Variants in LONP1 observed in about 807,000 individuals in gnomAD.
The protein encoded by LONP1 is lon protease homolog, mitochondrial.
In LONP1, 31 loss-of-function variants were observed where a neutral mutation model predicts 98.5. The ratio of observed to expected loss-of-function variants is 0.31; its 90% CI spans 0.24 to 0.42. The LOEUF (loss-of-function observed/expected upper bound fraction) is 0.42, where lower values mean the gene tolerates loss of function less well. Among genes scored for constraint, LONP1 ranks in the 20% least tolerant of loss-of-function variants. The pLI, the probability that LONP1 is intolerant of heterozygous loss-of-function variation, is 1.00. For missense variants in LONP1, 1,336 were observed against 1,350.6 expected, an observed-to-expected ratio of 0.99 and a Z score of 0.17; for synonymous variants, 781 against 594.7, an observed-to-expected ratio of 1.31 and a Z score of -4.56.
At chr19:5,698,831 C>T (rs1232265200) in intron 10 of LONP1, among the ~76,000 whole-genome samples, 196 bp downstream of exon 10, 1 of 152,240 alleles carries the variant, frequency 6.6e-6, no homozygotes, top group Non-Finnish European at 1.5e-5. Context: ...TTCCTGCCAG[C>T]GCTGTTTGAG....
At chr19:5,696,808 C>T in intron 10 of LONP1, 51 bp from the exon 11 acceptor site, 1 of 1,281,048 alleles carries the variant, frequency 7.8e-7, no homozygotes. Context: ...GGCTCGGCCA[C>T]AACGACACCA....
chr19:5,709,995 G>A (rs1028987381), intron 4 of LONP1, among the ~76,000 whole-genome samples: 3 of 150,444 alleles, frequency 2.0e-5, no homozygotes, highest in Non-Finnish European at 4.4e-5. Flanking sequence ...AAGTTTGGTC[G>A]CTGTCTTCCC....
intron 17 of LONP1, among the ~76,000 whole-genome samples, chr19:5,692,540 T>G (rs1004264111): frequency 6.6e-6 from 1 of 152,126 alleles, no homozygotes; most frequent in Non-Finnish European, 1.5e-5. Context: ...AGGCAGTGTC[T>G]GGGGCCTGAA....
chr19:5,691,976 T>TCAGTTCTGGCCAAGACAGGGCCTGACATC lies in LONP1; in HGVS notation c.*55_*56insGATGTCAGGCCCTGTCTTGGCCAGAACTG. 1 of 1,536,484 alleles carries TCAGTTCTGGCCAAGACAGGGCCTGACATC rather than the reference T, an allele frequency of 6.5e-7. No homozygotes were observed. The highest frequency in any genetic ancestry group is 8.8e-7 in the Non-Finnish European group (1 of 1,135,666). On this transcript the variant is annotated 3_prime_UTR_variant, in exon 18 of 18. Coordinates refer to ENST00000360614, the MANE Select transcript of LONP1 (RefSeq NM_004793.4). Reference sequence around the variant, plus strand: ...GGTCCGGGCGCGCTCCCCACAGCGCTCAGTTCTGGCCCAGACAGGGCCTGA... The same window carrying TCAGTTCTGGCCAAGACAGGGCCTGACATC: ...GGTCCGGGCGCGCTCCCCACAGCGCTCAGTTCTGGCCAAGACAGGGCCTGACATCCAGTTCTGGCCCAGACAGGGCCTGA...
intron 13 of LONP1, 137 bp from the exon 14 acceptor site, chr19:5,695,038 C>T (rs1275855490): frequency 4.9e-6 from 5 of 1,026,298 alleles, no homozygotes; most frequent in Non-Finnish European, 6.9e-6. Context: ...AAACCAGGGC[C>T]TGGACACCCC....
intron 15 of LONP1, among the ~76,000 whole-genome samples, 153 bp from the exon 16 acceptor site, chr19:5,693,922 G>A (rs1330574990): frequency 6.6e-6 from 1 of 152,180 alleles, no homozygotes; most frequent in Non-Finnish European, 1.5e-5. Flanking sequence ...GCCAACGCTG[G>A]CCTCTACGTT....
At chr19:5,720,429 C>G, upstream of LONP1, 1 of 583,160 alleles carries the variant, frequency 1.7e-6, no homozygotes, top group Non-Finnish European at 3.0e-6. Context: ...TTTAGGAACT[C>G]ATGAGCAGCC....
chr19:5,713,074 G>C, intron 3 of LONP1, 60 bp downstream of exon 3: 1 of 1,609,938 alleles, frequency 6.2e-7, no homozygotes, highest in South Asian at 1.1e-5. Flanking sequence ...AAGGCATCCT[G>C]GCTGGTCTCC....
At chr19:5,698,305 G>A (rs1382237450) in intron 10 of LONP1, among the ~76,000 whole-genome samples, 1 of 152,180 alleles carries the variant, frequency 6.6e-6, no homozygotes, top group East Asian at 1.9e-4. Context: ...CTTTAAACCT[G>A]GACTCAAGTG....
intron 8 of LONP1, among the ~76,000 whole-genome samples, chr19:5,702,541 T>A (rs546246389): frequency 6.7e-6 from 1 of 150,186 alleles, no homozygotes; most frequent in Non-Finnish European, 1.5e-5. Flanking sequence ...CAACAGCTCA[T>A]TGAGAACGGG....
rs761968735 is a variant in LONP1, at chr19:5,719,978, CAAG to C, written c.152_154del (p.Pro51_Trp52delinsArg). The C allele has an allele frequency of 3.8e-6, 6 of 1,583,428 alleles. No individual in the cohort carries two copies. Among genetic ancestry groups the C allele is most frequent in the East Asian group, 2.3e-5 (1 of 42,968 alleles). On this transcript the variant is annotated inframe_deletion, in exon 1 of 18. Transcript: ENST00000360614. ...TGCCGGGCCTCGGCCCCACAGTGCC[CAAG>C]GAGGAGAGGCGTCGCAGGTCCGCTG... is the stretch of plus-strand genomic sequence containing the variant.
chr19:5,696,328 G>A lies in LONP1; in HGVS notation c.1817C>T (p.Ala606Val), dbSNP rs145519500. 2,039 of 1,613,356 alleles carry A rather than the reference G, an allele frequency of 1.3e-3. 2 individuals carry two copies. Among genetic ancestry groups the A allele is most frequent in the Non-Finnish European group, 1.6e-3 (1,859 of 1,179,898 alleles). ...CTCTGGGTCCAGCAGCTCCAGCAGT[G>A]CCGACGACGGGTCCCCCTGGTAGCC... Reference protein sequence around the residue: ...GRGYQGDPSSALLELLDPEQN... With the variant: ...GRGYQGDPSSVLLELLDPEQN... The change falls in exon 12 of 18, where the codon GCA becomes GTA. Residue 606 changes from alanine (A) to valine (V), a missense_variant. Ala to Val is a moderately conservative substitution (Grantham distance 64). Around this residue, in one of 5 missense-constraint regions of LONP1, gnomAD observed 555 missense variants for 542.6 expected, o/e 1.02. Coordinates refer to ENST00000360614, the MANE Select transcript of LONP1 (RefSeq NM_004793.4).
chr19:5,715,418 C>T, intron 1 of LONP1, among the ~76,000 whole-genome samples: 2 of 149,372 alleles, frequency 1.3e-5, no homozygotes, highest in African/African-American at 2.5e-5. Context: ...CCGAGGCGGG[C>T]AGATCACAAG....
intron 5 of LONP1, chr19:5,708,089 C>T (rs917503229): frequency 8.2e-6 from 5 of 608,448 alleles, no homozygotes; most frequent in South Asian, 5.9e-5. Flanking sequence ...CTGCTCCCCA[C>T]TCCCCCAGCC....
intron 7 of LONP1, among the ~76,000 whole-genome samples, chr19:5,706,769 G>A (rs962418827): frequency 7.2e-5 from 11 of 152,194 alleles, no homozygotes; most frequent in African/African-American, 2.7e-4. Flanking sequence ...CTGTCCCCAA[G>A]ATTACAAAGG....
chr19:5,698,197 G>C (rs1301868260), intron 10 of LONP1, among the ~76,000 whole-genome samples: 1 of 152,098 alleles, frequency 6.6e-6, no homozygotes, highest in Non-Finnish European at 1.5e-5. Flanking sequence ...GCGCGGGCCA[G>C]CATGCTGTCA....
intron 8 of LONP1, among the ~76,000 whole-genome samples, chr19:5,703,329 G>A (rs1019066014): frequency 1.3e-5 from 2 of 152,294 alleles, no homozygotes; most frequent in Non-Finnish European, 2.9e-5. Context: ...CAGAACCACA[G>A]AGGGGACGAG....
At position 5,691,876 on chromosome 19, in the gene LONP1, C is replaced by CTCTGATTAAGCCGACTGAGGTCCCTG; in HGVS notation, c.*130_*155dup. 1 of 864,830 alleles carries CTCTGATTAAGCCGACTGAGGTCCCTG rather than the reference C, an allele frequency of 1.2e-6. No individual in the cohort carries two copies. The highest frequency in any genetic ancestry group is 2.8e-5 in the Admixed American group (1 of 35,790). 53.6% of individuals were successfully genotyped at this position (864,830 alleles called of 1,614,324 possible). The stretch of plus-strand genomic sequence containing the variant: ...ATCATTAAATAGCTTCTATGCCACA[C>CTCTGATTAAGCCGACTGAGGTCCCTG]TCTGATTAAGCCGACTGAGGTCCCT... On this transcript the variant is annotated 3_prime_UTR_variant, in exon 18 of 18. Coordinates refer to ENST00000360614, the MANE Select transcript of LONP1 (RefSeq NM_004793.4).
Position 5,691,856 on chromosome 19 carries a change from T to A in LONP1, c.*176A>T. Reference sequence around the variant, plus strand: ...CCGTACTGCAAATGACTTTAATCATTAAATAGCTTCTATGCCACACTCTGA... The same window carrying A: ...CCGTACTGCAAATGACTTTAATCATAAAATAGCTTCTATGCCACACTCTGA... On this transcript the variant is annotated 3_prime_UTR_variant, in exon 18 of 18. Coordinates refer to ENST00000360614, the MANE Select transcript of LONP1 (RefSeq NM_004793.4). 1 of 823,312 alleles carries A rather than the reference T, an allele frequency of 1.2e-6. No individual in the cohort carries two copies. The highest frequency in any genetic ancestry group is 1.8e-5 in the South Asian group (1 of 57,014). 51.0% of individuals were successfully genotyped at this position (823,312 alleles called of 1,614,324 possible). A position where few individuals can be genotyped will look rare whatever the true frequency, so the allele number is the denominator to read the frequency against.
Sources: gnomAD v4.1 joint callset for allele counts (sites outside exome capture counted in the v4.1 genomes callset) on GRCh38, gnomAD v4.1.1 for gene constraint, gnomAD v4.1.1 regional missense constraint, MANE v1.5 for transcripts, NCBI Gene and HGNC (gene_info 2026-07-23, HGNC 2026-07-21) for gene names.